Variants in DNAH5 observed in about 807,000 individuals in gnomAD.
The protein encoded by DNAH5 is dynein axonemal heavy chain 5, also known as axonemal beta dynein heavy chain 5.
DNAH5 carries 372 observed loss-of-function variants against 518.2 expected under a neutral mutation model. The observed-to-expected ratio is 0.72, with a 90% CI of 0.66 to 0.78. The LOEUF is 0.78. DNAH5 is among the 30% of genes least tolerant of loss of function. DNAH5 has a pLI of 0.00. For synonymous variants in DNAH5, 2,039 were observed against 2,025.9 expected (o/e 1.01, Z -0.17); for missense variants, 5,523 against 5,687.0 (o/e 0.97, Z 0.93).
At chr5:13,787,812 A>G (rs1172298624) in intron 51 of DNAH5, among the ~76,000 whole-genome samples, 2 of 152,198 alleles carry the variant, frequency 1.3e-5, no homozygotes, top group Non-Finnish European at 2.9e-5. Flanking sequence ...CTCCAGAAAT[A>G]AACATTATTT....
intron 70 of DNAH5, 82 bp downstream of exon 70, chr5:13,727,425 A>G (rs1745897904): frequency 7.5e-7 from 1 of 1,339,682 alleles, no homozygotes; most frequent in South Asian, 1.4e-5. Context: ...TGGAATTCAC[A>G]TTTAAAATAT....
chr5:13,755,803 A>G lies in DNAH5; in HGVS notation c.10420-1465T>C, dbSNP rs116153846. Among the ~76,000 whole-genome samples, 391 of 152,294 alleles carry G rather than the reference A, an allele frequency of 2.6e-3. 2 individuals are homozygous for G. The Middle Eastern group carries it at 0.031, about 12-fold the overall frequency. On this transcript the variant is annotated intron_variant, in intron 61 of 78. Transcript: ENST00000265104. ...ACTTTTTATTTGTAACATACTTTTA[A>G]TATTGATTTGCTTTCTCTAAATTCT...
Position 13,917,197 on chromosome 5 carries a change from C to T in DNAH5, c.1035G>A (p.Val345=), listed in dbSNP as rs150335023. The change falls in exon 8 of 79, where the codon GTG becomes GTA. Residue 345 remains valine (V), a synonymous_variant. Coordinates refer to ENST00000265104, the MANE Select transcript of DNAH5 (RefSeq NM_001369.3). ...TDATNEAKDN[V]KYLYTLEKCC... ...ATTTTTCAAGTGTATACAAGTATTT[C>T]ACATTGTCCTTTGCTTCATTAGTTG... 8.1e-6 allele frequency: 13 copies of T among 1,613,916 alleles called. No individual in the cohort carries two copies. The highest frequency in any genetic ancestry group is 1.6e-4 in the Middle Eastern group (1 of 6,084).
At chr5:13,780,462 C>A (rs1561239594) in intron 53 of DNAH5, among the ~76,000 whole-genome samples, 1 of 152,172 alleles carries the variant, frequency 6.6e-6, no homozygotes, top group Non-Finnish European at 1.5e-5. Context: ...AATGAGTAAA[C>A]CAATATAAAA....
chr5:13,780,803 G>C, intron 53 of DNAH5, 26 bp downstream of exon 53: 1 of 1,612,540 alleles, frequency 6.2e-7, no homozygotes, highest in South Asian at 1.1e-5. Flanking sequence ...ATCCATGTTA[G>C]GTTTGTTAAA....
At position 13,765,597 on chromosome 5, in the gene DNAH5, T is replaced by C. The variant is rs552656995; in HGVS notation, c.10101+379A>G. ...ATTCATCAAGTTATACATTTAAAATTTGTGCATTTATTCATGTTAAGTTCT... is the reference window on the plus strand; with the variant it reads ...ATTCATCAAGTTATACATTTAAAATCTGTGCATTTATTCATGTTAAGTTCT... On this transcript the variant is annotated intron_variant, in intron 59 of 78. Transcript: ENST00000265104. Among the ~76,000 whole-genome samples the C allele has an allele frequency of 1.7e-3, 263 of 152,296 alleles. 1 individual carries two copies. Among genetic ancestry groups the C allele is most frequent in the African/African-American group, 5.8e-3 (243 of 41,566 alleles).
At position 13,728,259 on chromosome 5, in the gene DNAH5, A is replaced by G. The variant is rs75345122; in HGVS notation, c.11884-603T>C. Among the ~76,000 whole-genome samples the G allele has an allele frequency of 3.5e-4, 54 of 152,304 alleles. No individual in the cohort carries two copies. The East Asian group carries it at 0.01, about 29-fold the overall frequency. The stretch of plus-strand genomic sequence containing the variant: ...TACATTATCCTCTGCAGCTTAAAAC[A>G]CCAAAGAGAGGCAGGAATTACATGG... On this transcript the variant is annotated intron_variant, in intron 69 of 78. Transcript: ENST00000265104.
In DNAH5 at chr5:13,939,772, C is replaced by A. The variant is rs76826851; in HGVS notation, c.57+4610G>T. ...CGTTTCATTTATCCCGGTGAAGGGC[C>A]ACAGCTGCAGAGGAAGCACGGCACC... On this transcript the variant is annotated intron_variant, in intron 1 of 78. Transcript: ENST00000265104. Among the ~76,000 whole-genome samples the A allele has an allele frequency of 2.8e-3, 424 of 152,236 alleles. 5 individuals carry two copies. Among genetic ancestry groups the A allele is most frequent in the African/African-American group, 9.9e-3 (413 of 41,542 alleles).
chr5:13,898,438 C>G, intron 15 of DNAH5: 1 of 397,872 alleles, frequency 2.5e-6, no homozygotes, highest in Non-Finnish European at 4.4e-6. Flanking sequence ...AAGGGAATCT[C>G]AACATGCTGA....
At chr5:13,983,441 A>T (rs1782824263) in intron 1 of DNAH5, among the ~76,000 whole-genome samples, 1 of 152,200 alleles carries the variant, frequency 6.6e-6, no homozygotes, top group Non-Finnish European at 1.5e-5. Flanking sequence ...AGCTATTGAT[A>T]TTTACTGTAC....
Position 13,989,545 on chromosome 5 carries a change from G to A in DNAH5, c.12+22103C>T, listed in dbSNP as rs531014383. Among the ~76,000 whole-genome samples, 416 of 148,724 alleles carry A rather than the reference G, an allele frequency of 2.8e-3. 2 individuals are homozygous for A. The highest frequency in any genetic ancestry group is 9.9e-3 in the African/African-American group (399 of 40,268). ...GTCGCCCAGGCTGGAGTGCAGTGGC[G>A]CGATCTCGGCTCACTGCAAGCTCTG... On this transcript the variant is annotated intron_variant, in intron 1 of 78. Transcript: ENST00000681290.
intron 1 of DNAH5, among the ~76,000 whole-genome samples, chr5:13,995,755 AC>A (rs1783889245): frequency 6.6e-6 from 1 of 152,180 alleles, no homozygotes; most frequent in Non-Finnish European, 1.5e-5. Flanking sequence ...TTGGCCACAA[AC>A]TTTTTGACCC....
intron 69 of DNAH5, among the ~76,000 whole-genome samples, chr5:13,727,859 C>G (rs1745965607): frequency 6.6e-6 from 1 of 152,178 alleles, no homozygotes; most frequent in Non-Finnish European, 1.5e-5. Flanking sequence ...ATACTAACAT[C>G]AGCCTACAAC....
At chr5:13,841,406 T>C (rs1400608799) in intron 33 of DNAH5, among the ~76,000 whole-genome samples, 1 of 152,228 alleles carries the variant, frequency 6.6e-6, no homozygotes, top group African/African-American at 2.4e-5. Context: ...TCATGATTTT[T>C]GTACATTGTT....
chr5:13,853,739 T>C (rs1203447996), intron 30 of DNAH5, among the ~76,000 whole-genome samples: 1 of 151,472 alleles, frequency 6.6e-6, no homozygotes, highest in African/African-American at 2.4e-5. Context: ...GAAGTATCAA[T>C]ACCCAAATTG....
intron 53 of DNAH5, 143 bp downstream of exon 53, chr5:13,780,686 A>G (rs1035112851): frequency 2.1e-6 from 2 of 930,738 alleles, no homozygotes; most frequent in Non-Finnish European, 1.7e-6. Context: ...AAAGGTTGAC[A>G]GGGGAAGATG....
At position 13,891,176 on chromosome 5, in the gene DNAH5, T is replaced by A. The variant is rs1390933011; in HGVS notation, c.2432-55A>T. The stretch of plus-strand genomic sequence containing the variant: ...AGATTAGGTAAAGCATTTTGTTTTT[T>A]AAAAAAATCAACACTTGATTAAATG... On this transcript the variant is annotated intron_variant, in intron 16 of 78. Transcript: ENST00000265104. 2.5e-6 allele frequency: 4 copies of A among 1,591,326 alleles called. No homozygotes were observed. The African/African-American group carries it at 4.0e-5, about 16-fold the overall frequency.
chr5:13,856,929 G>A (rs1767715266), intron 30 of DNAH5, among the ~76,000 whole-genome samples: 1 of 152,198 alleles, frequency 6.6e-6, no homozygotes. Context: ...AAAGCTGGAA[G>A]CATTCCTTTT....
At chr5:13,929,127 T>C (rs1196833339) in intron 2 of DNAH5, among the ~76,000 whole-genome samples, 12 of 152,198 alleles carry the variant, frequency 7.9e-5, no homozygotes, top group Admixed American at 7.2e-4. Context: ...GTGGTATACA[T>C]ATACAAGGGA....
Sources: gnomAD v4.1 joint callset for allele counts (sites outside exome capture counted in the v4.1 genomes callset) on GRCh38, gnomAD v4.1.1 for gene constraint, MANE v1.5 for transcripts, NCBI Gene and HGNC (gene_info 2026-07-23, HGNC 2026-07-21) for gene names.